GPRASP3: variants seen among roughly 807,000 people sequenced by gnomAD.
The protein encoded by GPRASP3 is G protein-coupled receptor associated sorting protein 3.
the GPRASP3 span, among the ~76,000 whole-genome samples, chrX:102,724,130 G>C: frequency 8.9e-6 from 1 of 111,747 alleles, no homozygotes; most frequent in Non-Finnish European, 1.9e-5. Context: ...TTTATAAGTG[G>C]TCAGTCAGAA....
the GPRASP3 span, chrX:102,749,436 T>G: frequency 8.3e-7 from 1 of 1,210,210 alleles, no homozygotes; most frequent in Non-Finnish European, 1.1e-6. Context: ...CCCAGGTCTG[T>G]GCTGAGGAGT....
At chrX:102,733,758 C>T in the GPRASP3 span, among the ~76,000 whole-genome samples, 1 of 109,788 alleles carries the variant, frequency 9.1e-6, no homozygotes, top group Non-Finnish European at 1.9e-5. Flanking sequence ...AGTCCTGAAA[C>T]GTATTTTTTC....
chrX:102,731,789 C>T, the GPRASP3 span, among the ~76,000 whole-genome samples: 3 of 111,379 alleles, frequency 2.7e-5, no homozygotes, highest in African/African-American at 9.8e-5. Flanking sequence ...GTGGGCTGCC[C>T]GCATGCAAGG....
At chrX:102,723,136 T>A in the GPRASP3 span, among the ~76,000 whole-genome samples, 2 of 112,038 alleles carry the variant, frequency 1.8e-5, no homozygotes, top group Middle Eastern at 4.6e-3. Context: ...TTTTAAAAAA[T>A]TTTAAAAATA....
chrX:102,752,720 C>T, the GPRASP3 span: 1 of 122,890 alleles, frequency 8.1e-6, no homozygotes, highest in South Asian at 3.8e-4. Context: ...AATGTATATA[C>T]ACACAAAACC....
the GPRASP3 span, among the ~76,000 whole-genome samples, chrX:102,737,765 G>T: frequency 8.9e-6 from 1 of 112,177 alleles, no homozygotes; most frequent in Admixed American, 9.4e-5. Flanking sequence ...ATGTTGCCAT[G>T]TGTGTCCTGA....
the GPRASP3 span, among the ~76,000 whole-genome samples, chrX:102,738,000 T>C: frequency 9.0e-6 from 1 of 111,604 alleles, no homozygotes; most frequent in African/African-American, 3.3e-5. Context: ...CTAACAGGCT[T>C]AGCCCTGTTC....
the GPRASP3 span, among the ~76,000 whole-genome samples, chrX:102,735,566 G>A: frequency 9.1e-6 from 1 of 109,875 alleles, no homozygotes; most frequent in African/African-American, 3.3e-5. Flanking sequence ...ACCACACCTG[G>A]CTAATTTTTT....
chrX:102,750,609 G>C, the GPRASP3 span: 1 of 1,171,423 alleles, frequency 8.5e-7, no homozygotes, highest in Non-Finnish European at 1.1e-6. Flanking sequence ...CCATTTTCAG[G>C]GAAGTTAAAG....
chrX:102,748,871 A>G, the GPRASP3 span: 1 of 685,641 alleles, frequency 1.5e-6, no homozygotes, highest in Non-Finnish European at 2.2e-6. Flanking sequence ...CAGAACTGAC[A>G]GTTGACTCTA....
the GPRASP3 span, among the ~76,000 whole-genome samples, chrX:102,735,570 A>ATT: frequency 9.5e-6 from 1 of 105,250 alleles, no homozygotes; most frequent in African/African-American, 3.4e-5. Flanking sequence ...CACCTGGCTA[A>ATT]TTTTTTTTTT....
the GPRASP3 span, chrX:102,751,176 G>T: frequency 2.4e-5 from 3 of 124,058 alleles, no homozygotes; most frequent in African/African-American, 9.7e-5. Flanking sequence ...ACACAGAAAT[G>T]ACTCAGAATC....
the GPRASP3 span, chrX:102,749,843 T>A: frequency 8.3e-7 from 1 of 1,206,804 alleles, no homozygotes; most frequent in Non-Finnish European, 1.1e-6. Flanking sequence ...GAGTGTCGTT[T>A]TGATTCTGAC....
At chrX:102,727,014 C>T in the GPRASP3 span, among the ~76,000 whole-genome samples, 3 of 112,491 alleles carry the variant, frequency 2.7e-5, no homozygotes, top group Non-Finnish European at 5.6e-5. Context: ...TGTAGGTGCT[C>T]ACTGATGCTC....
chrX:102,727,251 T>C, the GPRASP3 span, among the ~76,000 whole-genome samples: 1 of 112,705 alleles, frequency 8.9e-6, no homozygotes, highest in East Asian at 2.8e-4. Context: ...CCATTCACAA[T>C]ATCAACTTCC....
chrX:102,748,959 C>A, the GPRASP3 span: 1 of 1,162,834 alleles, frequency 8.6e-7, no homozygotes, highest in Non-Finnish European at 1.1e-6. Flanking sequence ...AGAACCAAGG[C>A]CAAGACTGGA....
the GPRASP3 span, among the ~76,000 whole-genome samples, chrX:102,722,560 T>G: frequency 8.9e-6 from 1 of 111,827 alleles, no homozygotes; most frequent in African/African-American, 3.3e-5. Context: ...GGTCAAGGGG[T>G]GAGGCTGAAA....
chrX:102,735,462 T>G, the GPRASP3 span, among the ~76,000 whole-genome samples: 1 of 106,072 alleles, frequency 9.4e-6, no homozygotes, highest in African/African-American at 3.5e-5. Context: ...TGGAGTGCAG[T>G]GGCACCATCT....
the GPRASP3 span, among the ~76,000 whole-genome samples, chrX:102,742,519 G>T: frequency 8.9e-6 from 1 of 112,437 alleles, no homozygotes; most frequent in African/African-American, 3.2e-5. Context: ...ATACTTTGCA[G>T]ACCCTGCCTT....
Sources: gnomAD v4.1 joint callset for allele counts (sites outside exome capture counted in the v4.1 genomes callset) on GRCh38, gnomAD v4.1.1 for gene constraint, MANE v1.5 for transcripts, NCBI Gene and HGNC (gene_info 2026-07-23, HGNC 2026-07-21) for gene names.